HID1: variants seen among roughly 807,000 people sequenced by gnomAD.
The protein encoded by HID1 is protein HID1.
A neutral mutation model predicts 89.7 loss-of-function variants in HID1; 42 were observed. The observed-to-expected ratio is 0.47, with a 90% CI of 0.37 to 0.61. The LOEUF (loss-of-function observed/expected upper bound fraction) is 0.61. Among genes scored for constraint, HID1 ranks in the 20% least tolerant of loss-of-function variants. The pLI, the probability that HID1 is intolerant of heterozygous loss-of-function variation, is 0.00. For synonymous variants in HID1, 442 were observed against 433.8 expected (o/e 1.02, Z -0.24); for missense variants, 854 against 1,039.3 (o/e 0.82, Z 2.45).
chr17:74,951,477 G>A lies in HID1; in HGVS notation c.*93C>T, dbSNP rs568495347. On this transcript the variant is annotated 3_prime_UTR_variant, in exon 19 of 19. Transcript: ENST00000425042. ...ACTCTGCCTGTTCCAGGCCCTGATC[G>A]TGGTAATTTAAAGCTCAGAATGGTG... The A allele has an allele frequency of 1.1e-5, 14 of 1,235,446 alleles. No individual in the cohort carries two copies. Among genetic ancestry groups the A allele is most frequent in the African/African-American group, 1.5e-5 (1 of 67,342 alleles). 76.5% of individuals were successfully genotyped at this position (1,235,446 alleles called of 1,614,324 possible).
rs188084628 is a variant in HID1, at chr17:74,968,869, G to A, written c.66+3722C>T. 5.4e-4 allele frequency among the ~76,000 whole-genome samples: 83 copies of A among 152,328 alleles called. 1 individual carries two copies. The highest frequency in any genetic ancestry group is 3.7e-3 in the Admixed American group (56 of 15,302). On this transcript the variant is annotated intron_variant, in intron 1 of 18. Transcript: ENST00000425042. The stretch of plus-strand genomic sequence containing the variant: ...AGTTCATCAGGCAGTGTCACCGGGG[G>A]ACTAAATCCAAAATGAAGAAAGAGA...
intron 16 of HID1, among the ~76,000 whole-genome samples, 171 bp downstream of exon 16, chr17:74,952,835 A>G (rs2039325453): frequency 6.6e-6 from 1 of 152,238 alleles, no homozygotes. Flanking sequence ...GGATGTCACC[A>G]GCCGGAAGGA....
chr17:74,958,276 A>G lies in HID1; in HGVS notation c.1392+51T>C, dbSNP rs745580523. ...TCCCCGCTGCCTCCAGACTCAGCCA[A>G]GAGGACACCACCCCTGCACCTCCTG... On this transcript the variant is annotated intron_variant, in intron 11 of 18. Coordinates refer to ENST00000425042, the MANE Select transcript of HID1 (RefSeq NM_030630.3). The surrounding 1 kb of genome is among the most constrained non-coding windows in gnomAD (Gnocchi z 5.2). The G allele has an allele frequency of 3.1e-6, 5 of 1,610,334 alleles. No homozygotes were observed. The South Asian group carries it at 4.4e-5, about 14-fold the overall frequency.
At chr17:74,964,371 A>G in intron 2 of HID1, 112 bp downstream of exon 2, 2 of 1,189,254 alleles carry the variant, frequency 1.7e-6, no homozygotes, top group Non-Finnish European at 1.2e-6. Flanking sequence ...GAGCTGAGTG[A>G]GGCCACAGGG....
intron 6 of HID1, 107 bp downstream of exon 6, chr17:74,961,766 G>A (rs914238596): frequency 1.6e-5 from 9 of 562,522 alleles, no homozygotes; most frequent in Non-Finnish European, 2.4e-5. Flanking sequence ...TCACCACCAG[G>A]GGGCAGCACC....
At chr17:74,967,388 A>T (rs2039578589) in intron 1 of HID1, among the ~76,000 whole-genome samples, 1 of 151,658 alleles carries the variant, frequency 6.6e-6, no homozygotes, top group Non-Finnish European at 1.5e-5. Flanking sequence ...AAATACAAAA[A>T]TTAGCCAGGC....
At chr17:74,957,410 G>A in intron 12 of HID1, among the ~76,000 whole-genome samples, 1 of 151,868 alleles carries the variant, frequency 6.6e-6, no homozygotes, top group African/African-American at 2.4e-5. Flanking sequence ...CTTAACCTGG[G>A]AGGTTGCAGT....
chr17:74,958,483 G>C lies in HID1; in HGVS notation c.1241-5C>G, dbSNP rs181378324. On this transcript the variant is annotated splice_region_variant and splice_polypyrimidine_tract_variant and intron_variant, in intron 10 of 18. Coordinates refer to ENST00000425042, the MANE Select transcript of HID1 (RefSeq NM_030630.3). This position sits in a 1 kb window ranked among gnomAD's most constrained non-coding sequence, Gnocchi z 5.2. ...TGTGCATCAGGCCCACCCGAGCTGC[G>C]GCAGGTGGCGTGGGAGGGGTCACTC... The C allele has an allele frequency of 1.3e-6, 2 of 1,587,620 alleles. No homozygotes were observed. Among genetic ancestry groups the C allele is most frequent in the East Asian group, 4.6e-5 (2 of 43,454 alleles).
Position 74,952,312 on chromosome 17 carries a change from G to A in HID1, c.2101C>T (p.Leu701=). The change falls in exon 17 of 19, where the codon CTG becomes TTG. Residue 701 remains leucine, a synonymous_variant. Transcript: ENST00000425042. ...TCCACCTGCGGAACCAGCACCTGCA[G>A]CAGCCTCATGATGGTCTGCAGCGGC... ...KLPLQTIMRL[L]QVLVPQVEKI... 1.2e-6 allele frequency: 2 copies of A among 1,613,838 alleles called. No individual in the cohort carries two copies. The highest frequency in any genetic ancestry group is 1.7e-5 in the Admixed American group (1 of 59,994).
intron 1 of HID1, among the ~76,000 whole-genome samples, chr17:74,971,424 G>A (rs1452177265): frequency 6.6e-6 from 1 of 152,242 alleles, no homozygotes; most frequent in African/African-American, 2.4e-5. Context: ...GCCGGGGTTG[G>A]ACTCTCCAGA....
Position 74,962,857 on chromosome 17 carries a change from GC to G in HID1, c.504+107del. On this transcript the variant is annotated intron_variant, in intron 4 of 18. Coordinates refer to ENST00000425042, the MANE Select transcript of HID1 (RefSeq NM_030630.3). This position sits in a 1 kb window ranked among gnomAD's most constrained non-coding sequence, Gnocchi z 4.3. ...TGCCAGGCAGCTCAGCTCTCCTGGA[GC>G]CCCCCGGCCCCCAGTGCAATCCGCC... The G allele has an allele frequency of 1.6e-5, 12 of 768,808 alleles. No homozygotes were observed. Among genetic ancestry groups the G allele is most frequent in the Non-Finnish European group, 1.9e-5 (9 of 463,358 alleles). 47.6% of individuals were successfully genotyped at this position (768,808 alleles called of 1,614,324 possible). A position where few individuals can be genotyped will look rare whatever the true frequency, so the allele number is the denominator to read the frequency against.
rs571694108 is a variant in HID1 at position 74,968,605 on chromosome 17, C to T, written c.67-3973G>A. Among the ~76,000 whole-genome samples the T allele has an allele frequency of 1.4e-4, 22 of 152,296 alleles. No homozygotes were observed. The East Asian group carries it at 4.3e-3, about 29-fold the overall frequency. On this transcript the variant is annotated intron_variant, in intron 1 of 18. Coordinates refer to ENST00000425042, the MANE Select transcript of HID1 (RefSeq NM_030630.3). ...GGGCCCTGGGGCTGGGGTTTGCTGG[C>T]CCTTGGGCCCTCAGCCAGGACAGCC... is the stretch of plus-strand genomic sequence containing the variant.
chr17:74,965,616 G>A (rs2039550714), intron 1 of HID1, among the ~76,000 whole-genome samples: 1 of 152,028 alleles, frequency 6.6e-6, no homozygotes, highest in Admixed American at 6.6e-5. Flanking sequence ...GAGGCAACAG[G>A]CCTTAAAAAC....
rs1375322922 is a variant in HID1, at chr17:74,959,916, A to G, written c.973T>C (p.Phe325Leu). 6.2e-7 allele frequency: 1 copy of G among 1,613,638 alleles called. No individual in the cohort carries two copies. The highest frequency in any genetic ancestry group is 1.1e-5 in the South Asian group (1 of 91,084). ...DADPPGPENLFVNYLSRIHRE... is the reference protein window; with the variant it reads ...DADPPGPENLLVNYLSRIHRE... ...TGGATGCGGGACAGGTAGTTCACAAACAGGTTCTCAGGGCCTGGAGGCTGC... is the reference window on the plus strand; with the variant it reads ...TGGATGCGGGACAGGTAGTTCACAAGCAGGTTCTCAGGGCCTGGAGGCTGC... The change falls in exon 8 of 19, where the codon TTT (phenylalanine) becomes CTT (leucine). Residue 325 changes from phenylalanine to leucine, a missense_variant. By Grantham distance (22) the Phe-to-Leu change is conservative. Coordinates refer to ENST00000425042, the MANE Select transcript of HID1 (RefSeq NM_030630.3). This position sits in a 1 kb window ranked among gnomAD's most constrained non-coding sequence, Gnocchi z 4.6.
Position 74,952,060 on chromosome 17 carries a change from G to T in HID1, c.2148C>A (p.Gly716=). 6.4e-7 allele frequency: 1 copy of T among 1,556,334 alleles called. No homozygotes were observed. Among genetic ancestry groups the T allele is most frequent in the Non-Finnish European group, 8.7e-7 (1 of 1,149,808 alleles). Residue 716 remains glycine, a synonymous_variant, in exon 18 of 19, where the codon GGC becomes GGA. Transcript: ENST00000425042. Reference sequence around the variant, plus strand: ...GCAGGATCTCAGACTCATCCGTCAGGCCCCTGCGGGGAGAGGGGTATCTCC... The same window carrying T: ...GCAGGATCTCAGACTCATCCGTCAGTCCCCTGCGGGGAGAGGGGTATCTCC... ...PQVEKICIDK[G]LTDESEILRF... is the part of the protein sequence containing the mutation.
At position 74,972,149 on chromosome 17, in the gene HID1, G is replaced by A. The variant is rs2039657214; in HGVS notation, c.66+442C>T. Among the ~76,000 whole-genome samples, 1 of 152,166 alleles carries A rather than the reference G, an allele frequency of 6.6e-6. No individual in the cohort carries two copies. The highest frequency in any genetic ancestry group is 1.5e-5 in the Non-Finnish European group (1 of 68,022). On this transcript the variant is annotated intron_variant, in intron 1 of 18. Transcript: ENST00000425042. This position sits in a 1 kb window ranked among gnomAD's most constrained non-coding sequence, Gnocchi z 6.4. ...CTCCGACCCGGGCGGACGCCAGCCA[G>A]GCTTTGTTTGCATTGAGTCAACAGG...
At chr17:74,957,498 A>T (rs2039407472) in intron 12 of HID1, among the ~76,000 whole-genome samples, 1 of 151,646 alleles carries the variant, frequency 6.6e-6, no homozygotes. Context: ...AAATAAAATA[A>T]AATAAAATAA....
Position 74,958,803 on chromosome 17 carries a change from G to T in HID1, c.1150-40C>A. 1 of 1,605,362 alleles carries T rather than the reference G, an allele frequency of 6.2e-7. No homozygotes were observed. The highest frequency in any genetic ancestry group is 8.5e-7 in the Non-Finnish European group (1 of 1,174,350). On this transcript the variant is annotated intron_variant, in intron 9 of 18. Coordinates refer to ENST00000425042, the MANE Select transcript of HID1 (RefSeq NM_030630.3). This position sits in a 1 kb window ranked among gnomAD's most constrained non-coding sequence, Gnocchi z 5.2. ...AGGGGCCAAGTGGGCTGAGTTCAAG[G>T]GAGGGGCAGCTCTGCCCCACCCCCC...
At chr17:74,952,978 G>A (rs528136811) in intron 16 of HID1, 28 bp downstream of exon 16, 16 of 1,559,434 alleles carry the variant, frequency 1.0e-5, no homozygotes, top group East Asian at 4.7e-5. Flanking sequence ...CCCAGCCCCC[G>A]CTCGCCTGGC....
Sources: gnomAD v4.1 joint callset for allele counts (sites outside exome capture counted in the v4.1 genomes callset) on GRCh38, gnomAD v4.1.1 for gene constraint, Gnocchi (gnomAD v3.1) non-coding constraint, MANE v1.5 for transcripts, NCBI Gene and HGNC (gene_info 2026-07-23, HGNC 2026-07-21) for gene names.